ATF6: variants seen among roughly 807,000 people sequenced by gnomAD.
ATF6 encodes the protein cyclic AMP-dependent transcription factor ATF-6 alpha.
ATF6 carries 53 observed loss-of-function variants against 83.6 expected under a neutral mutation model. The ratio of observed to expected loss-of-function variants is 0.63; its 90% CI spans 0.51 to 0.80. The LOEUF (loss-of-function observed/expected upper bound fraction) is 0.80, where lower values mean the gene tolerates loss of function less well. Among genes scored for constraint, ATF6 ranks in the 30% least tolerant of loss-of-function variants. ATF6 has a pLI of 0.00. For synonymous variants in ATF6, 288 were observed against 285.8 expected (o/e 1.01, Z -0.08); for missense variants, 744 against 797.9 (o/e 0.93, Z 0.81).
At chr1:161,950,808 T>C (rs555356943) in intron 15 of ATF6, among the ~76,000 whole-genome samples, 1 of 152,346 alleles carries the variant, frequency 6.6e-6, no homozygotes, top group African/African-American at 2.4e-5. Flanking sequence ...TAATCAGATG[T>C]CAGTTTGGTA....
chr1:161,936,766 C>T (rs1024554437), intron 15 of ATF6, among the ~76,000 whole-genome samples: 7 of 152,166 alleles, frequency 4.6e-5, no homozygotes, highest in African/African-American at 1.4e-4. Context: ...CCCTGAACTC[C>T]AAATGCATGT....
chr1:161,898,847 C>CT (rs1687728121), intron 14 of ATF6, among the ~76,000 whole-genome samples: 1 of 152,226 alleles, frequency 6.6e-6, no homozygotes, highest in Admixed American at 6.5e-5. Context: ...CGTGCCAGGC[C>CT]TGTATTCTGT....
chr1:161,851,901 C>A, intron 11 of ATF6, 66 bp downstream of exon 11: 2 of 1,156,954 alleles, frequency 1.7e-6, no homozygotes, highest in East Asian at 2.4e-5. Flanking sequence ...GGAACCTAGA[C>A]AAGTAATTGG....
intron 13 of ATF6, among the ~76,000 whole-genome samples, chr1:161,861,545 G>A (rs1571197770): frequency 6.6e-6 from 1 of 152,088 alleles, no homozygotes; most frequent in Non-Finnish European, 1.5e-5. Flanking sequence ...ATTTTTGGAT[G>A]CATGGTTATA....
chr1:161,800,278 C>T (rs576303633), intron 6 of ATF6, among the ~76,000 whole-genome samples: 1 of 152,240 alleles, frequency 6.6e-6, no homozygotes, highest in South Asian at 2.1e-4. Flanking sequence ...GAACCCAAGT[C>T]TAACATGAAA....
chr1:161,777,152 A>G (rs1684535048), intron 1 of ATF6, among the ~76,000 whole-genome samples: 1 of 152,186 alleles, frequency 6.6e-6, no homozygotes, highest in African/African-American at 2.4e-5. Context: ...GTGTATGTGG[A>G]GCGGGGAGCT....
At chr1:161,883,019 T>C (rs1156254625) in intron 14 of ATF6, among the ~76,000 whole-genome samples, 1 of 151,962 alleles carries the variant, frequency 6.6e-6, no homozygotes, top group African/African-American at 2.4e-5. Flanking sequence ...AGCAAATTCA[T>C]TCTTTCCCCC....
chr1:161,790,829 A>G (rs916679471), intron 4 of ATF6, among the ~76,000 whole-genome samples: 1 of 151,938 alleles, frequency 6.6e-6, no homozygotes, highest in Non-Finnish European at 1.5e-5. Context: ...CAACAACAAC[A>G]ACAACAACAA....
intron 15 of ATF6, among the ~76,000 whole-genome samples, chr1:161,925,062 C>A (rs1688287148): frequency 1.3e-5 from 2 of 152,182 alleles, no homozygotes; most frequent in African/African-American, 4.8e-5. Context: ...TATAATATTT[C>A]TTCCACATGA....
chr1:161,839,389 G>T (rs1003221534), intron 9 of ATF6, among the ~76,000 whole-genome samples: 10 of 151,970 alleles, frequency 6.6e-5, no homozygotes, highest in Non-Finnish European at 5.9e-5. Flanking sequence ...TTGAGGCAAG[G>T]TCTTGCCCTG....
At chr1:161,894,521 CTTTTTTTTTTTTTTTTTTTTT>C (rs71093131) in intron 14 of ATF6, among the ~76,000 whole-genome samples, 2 of 44,852 alleles carry the variant, frequency 4.5e-5, no homozygotes, top group Non-Finnish European at 8.9e-5. Flanking sequence ...GTTTTGTAGT[CTTTTTTTTTTTTTTTTTTTTT>C]TTTTTTTTTT....
At chr1:161,916,624 AT>A in intron 15 of ATF6, among the ~76,000 whole-genome samples, 1 of 152,346 alleles carries the variant, frequency 6.6e-6, no homozygotes, top group South Asian at 2.1e-4. Context: ...TTTTGAATAT[AT>A]GTTCCAAAGA....
At chr1:161,894,698 G>A (rs900736534) in intron 14 of ATF6, among the ~76,000 whole-genome samples, 1 of 135,072 alleles carries the variant, frequency 7.4e-6, no homozygotes, top group Non-Finnish European at 1.5e-5. Context: ...ACTAAGCCGG[G>A]CTAATTTTTT....
At chr1:161,866,132 A>G (rs1686992694) in intron 14 of ATF6, among the ~76,000 whole-genome samples, 1 of 152,254 alleles carries the variant, frequency 6.6e-6, no homozygotes, top group African/African-American at 2.4e-5. Flanking sequence ...TCAGAAGAAG[A>G]TTCCAGAGCC....
chr1:161,917,111 C>A (rs532367045), intron 15 of ATF6, among the ~76,000 whole-genome samples: 2 of 152,186 alleles, frequency 1.3e-5, no homozygotes, highest in African/African-American at 4.8e-5. Flanking sequence ...TGTAGGAAAC[C>A]TTGAAAGATG....
intron 8 of ATF6, 69 bp from the exon 9 acceptor site, chr1:161,821,001 A>G: frequency 9.2e-7 from 1 of 1,081,474 alleles, no homozygotes; most frequent in Non-Finnish European, 1.4e-6. Context: ...GGAAAATTCT[A>G]ATCTTAAGCG....
At chr1:161,820,095 C>G (rs1685715516) in intron 8 of ATF6, among the ~76,000 whole-genome samples, 1 of 152,178 alleles carries the variant, frequency 6.6e-6, no homozygotes, top group African/African-American at 2.4e-5. Flanking sequence ...GTGAATCACA[C>G]TGAGGCTTCT....
chr1:161,838,710 A>G (rs1236816681), intron 9 of ATF6, among the ~76,000 whole-genome samples: 1 of 152,228 alleles, frequency 6.6e-6, no homozygotes, highest in Non-Finnish European at 1.5e-5. Context: ...AATGAATGAA[A>G]GAATCTCAGG....
At chr1:161,896,097 C>T (rs746387894) in intron 14 of ATF6, among the ~76,000 whole-genome samples, 6 of 152,174 alleles carry the variant, frequency 3.9e-5, no homozygotes, top group East Asian at 1.9e-4. Context: ...CAAATACATC[C>T]GTCTATCTAT....
Sources: gnomAD v4.1 joint callset for allele counts (sites outside exome capture counted in the v4.1 genomes callset) on GRCh38, gnomAD v4.1.1 for gene constraint, MANE v1.5 for transcripts, NCBI Gene and HGNC (gene_info 2026-07-23, HGNC 2026-07-21) for gene names.